CORO6: variants seen among roughly 807,000 people sequenced by gnomAD.
CORO6 encodes coronin-6.
A neutral mutation model predicts 49.0 loss-of-function variants in CORO6; 43 were observed. The observed-to-expected ratio is 0.88, with a 90% CI of 0.69 to 1.13. CORO6 has a LOEUF of 1.13. CORO6 is among the 50% of genes most tolerant of loss of function. CORO6 has a pLI of 0.00. For synonymous variants in CORO6, 233 were observed against 256.5 expected, an observed-to-expected ratio of 0.91 and a Z score of 0.88; for missense variants, 650 against 647.0, an observed-to-expected ratio of 1.00 and a Z score of -0.05.
intron 5 of CORO6, chr17:29,618,356 A>G: frequency 7.8e-7 from 1 of 1,287,100 alleles, no homozygotes; most frequent in Non-Finnish European, 9.8e-7. Flanking sequence ...GGGTTGCCCC[A>G]TCCCCCGCCC....
At position 29,617,998 on chromosome 17, in the gene CORO6, G is replaced by A. The variant is rs1349771793; in HGVS notation, c.634-379C>T. The stretch of plus-strand genomic sequence containing the variant: ...GCCACAGCCCGGGAAGGCGCTCCCG[G>A]CAGACCCAGAGAAGGAGCGAGCTAG... On this transcript the variant is annotated intron_variant, in intron 5 of 10. Coordinates refer to ENST00000388767, the MANE Select transcript of CORO6 (RefSeq NM_032854.4). 2.2e-6 allele frequency: 3 copies of A among 1,394,322 alleles called. No homozygotes were observed. In the East Asian group the frequency reaches 8.5e-5, roughly 40 times the overall value. 86.4% of individuals were successfully genotyped at this position (1,394,322 alleles called of 1,614,324 possible).
chr17:29,616,242 C>T lies in CORO6; in HGVS notation c.1062+37G>A, dbSNP rs758932234. ...CGGGGCTTGCTCCGCTCCCTTCCGC[C>T]TCGTAGCCCTGCCCAACCCTTCTCC... On this transcript the variant is annotated intron_variant, in intron 9 of 10. Coordinates refer to ENST00000388767, the MANE Select transcript of CORO6 (RefSeq NM_032854.4). The surrounding 1 kb of genome is among the most constrained non-coding windows in gnomAD (Gnocchi z 5.6). 1.2e-6 allele frequency: 2 copies of T among 1,610,834 alleles called. No homozygotes were observed. The highest frequency in any genetic ancestry group is 1.3e-5 in the African/African-American group (1 of 74,894).
rs1369622107 is a variant in CORO6 at position 29,622,869 on chromosome 17, C to CGCCGCTGCAGCCCCAGCT, written c.-263_-246dup. 8.5e-6 allele frequency: 11 copies of CGCCGCTGCAGCCCCAGCT among 1,295,084 alleles called. No individual in the cohort carries two copies. In the East Asian group the frequency reaches 3.5e-4, roughly 41 times the overall value. The allele number at this position is 1,295,084 out of a possible 1,614,324, so 80.2% of individuals were successfully genotyped here. ...GATCCTGCGGCTCTCTAGAGCCCGGCGCCGCTGCAGCCCCAGCTGCCGCTG... is the reference window on the plus strand; with the variant it reads ...GATCCTGCGGCTCTCTAGAGCCCGGCGCCGCTGCAGCCCCAGCTGCCGCTGCAGCCCCAGCTGCCGCTG... On this transcript the variant is annotated 5_prime_UTR_variant, in exon 1 of 11. Coordinates refer to ENST00000388767, the MANE Select transcript of CORO6 (RefSeq NM_032854.4).
intron 6 of CORO6, 149 bp downstream of exon 6, chr17:29,617,351 G>T: frequency 1.9e-6 from 3 of 1,541,260 alleles, no homozygotes; most frequent in Non-Finnish European, 2.6e-6. Context: ...CTGGGCAGAG[G>T]GGTGGGTGTG....
At position 29,617,977 on chromosome 17, in the gene CORO6, C is replaced by G. The variant is rs766023143; in HGVS notation, c.634-358G>C. ...GCTCTGGCCTCTTGGGCGCCAGCCACAGCCCGGGAAGGCGCTCCCGGCAGA... is the reference window on the plus strand; with the variant it reads ...GCTCTGGCCTCTTGGGCGCCAGCCAGAGCCCGGGAAGGCGCTCCCGGCAGA... On this transcript the variant is annotated intron_variant, in intron 5 of 10. Coordinates refer to ENST00000388767, the MANE Select transcript of CORO6 (RefSeq NM_032854.4). The G allele has an allele frequency of 2.9e-5, 38 of 1,304,856 alleles. 1 individual carries two copies. The highest frequency in any genetic ancestry group is 3.6e-5 in the Non-Finnish European group (36 of 993,248). The allele number at this position is 1,304,856 out of a possible 1,614,324, so 80.8% of individuals were successfully genotyped here.
Position 29,622,836 on chromosome 17 carries a change from C to T in CORO6, c.-212G>A. Reference sequence around the variant, plus strand: ...TGGGACCCGGGTGTCCAGCTCCGCACTCTGGCCGATCCTGCGGCTCTCTAG... The same window carrying T: ...TGGGACCCGGGTGTCCAGCTCCGCATTCTGGCCGATCCTGCGGCTCTCTAG... On this transcript the variant is annotated 5_prime_UTR_variant, in exon 1 of 11. In the 5' UTR this introduces an upstream ATG that the reference lacks. Coordinates refer to ENST00000388767, the MANE Select transcript of CORO6 (RefSeq NM_032854.4). 3 of 1,305,176 alleles carry T rather than the reference C, an allele frequency of 2.3e-6. No individual in the cohort carries two copies. The highest frequency in any genetic ancestry group is 3.0e-6 in the Non-Finnish European group (3 of 991,136). The allele number at this position is 1,305,176 out of a possible 1,614,324, so 80.8% of individuals were successfully genotyped here.
Position 29,616,297 on chromosome 17 carries a change from G to A in CORO6, c.1044C>T (p.Ile348=). The A allele has an allele frequency of 1.2e-6, 2 of 1,611,076 alleles. No homozygotes were observed. Among genetic ancestry groups the A allele is most frequent in the Non-Finnish European group, 1.7e-6 (2 of 1,178,624 alleles). The change falls in exon 9 of 11, where the codon ATC becomes ATT. Residue 348 remains isoleucine (I), a synonymous_variant. Coordinates refer to ENST00000388767, the MANE Select transcript of CORO6 (RefSeq NM_032854.4). The surrounding 1 kb of genome is among the most constrained non-coding windows in gnomAD (Gnocchi z 5.6). Reference sequence around the variant, plus strand: ...CCCTCACCTTGCGGGGCACAGTCATGATGATAGGTTCACACTTTCTTTCGT... The same window carrying A: ...CCCTCACCTTGCGGGGCACAGTCATAATGATAGGTTCACACTTTCTTTCGT... ...KLHERKCEPI[I]MTVPRKSDLF...
rs940864492 is a variant in CORO6, at chr17:29,618,217, C to T, written c.633+573G>A. The T allele has an allele frequency of 3.8e-6, 5 of 1,325,058 alleles. No individual in the cohort carries two copies. The African/African-American group carries it at 7.7e-5, about 20-fold the overall frequency. The allele number at this position is 1,325,058 out of a possible 1,614,324, so 82.1% of individuals were successfully genotyped here. A position where few individuals can be genotyped will look rare whatever the true frequency, so the allele number is the denominator to read the frequency against. ...AGCGCCCCGGCGCCAGCCCCGACCGCTCTCGGCGCGCTTGCTCCACGCAGA... is the reference window on the plus strand; with the variant it reads ...AGCGCCCCGGCGCCAGCCCCGACCGTTCTCGGCGCGCTTGCTCCACGCAGA... On this transcript the variant is annotated intron_variant, in intron 5 of 10. Transcript: ENST00000388767.
chr17:29,616,744 A>G lies in CORO6; in HGVS notation c.962T>C (p.Met321Thr), dbSNP rs377223092. 75 of 1,613,794 alleles carry G rather than the reference A, an allele frequency of 4.6e-5. No individual in the cohort carries two copies. Among genetic ancestry groups the G allele is most frequent in the East Asian group, 4.5e-4 (20 of 44,872 alleles). The change falls in exon 8 of 11, where the codon ATG becomes ACG. Residue 321 changes from methionine (M) to threonine (T), a missense_variant. Coordinates refer to ENST00000388767, the MANE Select transcript of CORO6 (RefSeq NM_032854.4). This position sits in a 1 kb window ranked among gnomAD's most constrained non-coding sequence, Gnocchi z 5.6. Reference sequence around the variant, plus strand: ...GCTGACATCCAGTCCCCTTTTGGGCATGAAACCCATGCCCCGCTGCGGCTC... The same window carrying G: ...GCTGACATCCAGTCCCCTTTTGGGCGTGAAACCCATGCCCCGCTGCGGCTC... ...SKEPQRGMGFMPKRGLDVSKC... is the reference protein window; with the variant it reads ...SKEPQRGMGFTPKRGLDVSKC...
At chr17:29,618,529 C>T in intron 5 of CORO6, 1 of 1,349,914 alleles carries the variant, frequency 7.4e-7, no homozygotes, top group South Asian at 1.9e-5. Flanking sequence ...CCTCCTCAAT[C>T]CCAAAGCGAG....
chr17:29,617,174 G>A, intron 6 of CORO6, 132 bp from the exon 7 acceptor site: 5 of 1,545,922 alleles, frequency 3.2e-6, no homozygotes, highest in Non-Finnish European at 4.3e-6. Context: ...CAGAGTTGCA[G>A]GCCCCTCCCC....
In CORO6 at chr17:29,615,354, C is replaced by T. The variant is rs1477602039; in HGVS notation, c.*378G>A. 5.4e-6 allele frequency: 1 copy of T among 185,706 alleles called. No individual in the cohort carries two copies. The highest frequency in any genetic ancestry group is 1.1e-5 in the Non-Finnish European group (1 of 90,114). The allele number at this position is 185,706 out of a possible 1,614,324, so 11.5% of individuals were successfully genotyped here. On this transcript the variant is annotated 3_prime_UTR_variant, in exon 11 of 11. Transcript: ENST00000388767. ...CTGGGGGTACCCATCAAATCGCCACCCGTTTGAGGTCAAGCTCAGGCTCCA... is the reference window on the plus strand; with the variant it reads ...CTGGGGGTACCCATCAAATCGCCACTCGTTTGAGGTCAAGCTCAGGCTCCA...
rs150908445 is a variant in CORO6, at chr17:29,615,033, G to A, written c.*699C>T. On this transcript the variant is annotated 3_prime_UTR_variant, in exon 11 of 11. Coordinates refer to ENST00000388767, the MANE Select transcript of CORO6 (RefSeq NM_032854.4). ...GTCTTGTTTTTCTGAGAGAGGCAAC[G>A]GCAGAGGGTTGGGGGCAGTGTGTGT... 2.6e-4 allele frequency: 39 copies of A among 152,368 alleles called. No individual in the cohort carries two copies. Among genetic ancestry groups the A allele is most frequent in the African/African-American group, 9.1e-4 (38 of 41,570 alleles). 9.4% of individuals were successfully genotyped at this position (152,368 alleles called of 1,614,324 possible).
Position 29,617,564 on chromosome 17 carries a change from T to C in CORO6, c.689A>G (p.Gln230Arg). The part of the protein sequence containing the change: ...MRPMRAVFTR[Q>R]GHIFTTGFTR... Reference sequence around the variant, plus strand: ...GAAGCCCGTGGTGAAGATATGGCCCTGGCGCGTGAAGACGGCCCGCATGGG... The same window carrying C: ...GAAGCCCGTGGTGAAGATATGGCCCCGGCGCGTGAAGACGGCCCGCATGGG... Residue 230 changes from glutamine (Q) to arginine (R), a missense_variant, in exon 6 of 11, where the codon CAG becomes CGG. Gln to Arg is a conservative substitution (Grantham distance 43, BLOSUM62 1). Coordinates refer to ENST00000388767, the MANE Select transcript of CORO6 (RefSeq NM_032854.4). The C allele has an allele frequency of 1.9e-6, 3 of 1,609,994 alleles. No homozygotes were observed. Among genetic ancestry groups the C allele is most frequent in the Non-Finnish European group, 2.5e-6 (3 of 1,179,152 alleles).
chr17:29,622,707 G>A lies in CORO6; in HGVS notation c.-83C>T, dbSNP rs1479936108. On this transcript the variant is annotated 5_prime_UTR_variant, in exon 1 of 11. Transcript: ENST00000388767. ...GGGTACCTGGTCCTGAGCGGGCTGC[G>A]GGGCGCTCACGCTGCGAATCCTCTG... is the stretch of plus-strand genomic sequence containing the variant. 1.6e-6 allele frequency: 2 copies of A among 1,283,080 alleles called. No individual in the cohort carries two copies. Among genetic ancestry groups the A allele is most frequent in the African/African-American group, 1.5e-5 (1 of 64,764 alleles). 79.5% of individuals were successfully genotyped at this position (1,283,080 alleles called of 1,614,324 possible).
rs867935515 is a variant in CORO6, at chr17:29,622,717, C to T, written c.-93G>A. On this transcript the variant is annotated 5_prime_UTR_variant, in exon 1 of 11. In the 5' UTR this introduces an upstream ATG that the reference lacks. Transcript: ENST00000388767. ...TCCTGAGCGGGCTGCGGGGCGCTCA[C>T]GCTGCGAATCCTCTGCGGAAGGGGC... 4 of 1,294,322 alleles carry T rather than the reference C, an allele frequency of 3.1e-6. No individual in the cohort carries two copies. The African/African-American group carries it at 4.6e-5, about 15-fold the overall frequency. 80.2% of individuals were successfully genotyped at this position (1,294,322 alleles called of 1,614,324 possible). A position where few individuals can be genotyped will look rare whatever the true frequency, so the allele number is the denominator to read the frequency against.
At chr17:29,619,315 A>G (rs1428729993) in intron 3 of CORO6, 126 bp from the exon 4 acceptor site, 1 of 1,186,332 alleles carries the variant, frequency 8.4e-7, no homozygotes, top group African/African-American at 1.6e-5. Context: ...ACAGGGCAAG[A>G]TGTGGTGGTG....
intron 5 of CORO6, chr17:29,618,060 C>A (rs1387526569): frequency 5.3e-6 from 8 of 1,499,494 alleles, no homozygotes; most frequent in African/African-American, 1.4e-5. Flanking sequence ...GGTCCCAGAG[C>A]GCGAGTTGCC....
In CORO6 at chr17:29,616,374, C is replaced by A; in HGVS notation, c.1005-38G>T. ...AGGGTTCAGCACCCTCGCAGACTTC[C>A]ACGTCCTTAACTTCTCCTGTCTAAG... On this transcript the variant is annotated intron_variant, in intron 8 of 10. Transcript: ENST00000388767. The surrounding 1 kb of genome is among the most constrained non-coding windows in gnomAD (Gnocchi z 5.6). The A allele has an allele frequency of 6.4e-7, 1 of 1,570,886 alleles. No individual in the cohort carries two copies. Among genetic ancestry groups the A allele is most frequent in the African/African-American group, 1.3e-5 (1 of 74,570 alleles).
Sources: allele counts gnomAD v4.1 joint callset, GRCh38; gene constraint gnomAD v4.1.1; non-coding constraint Gnocchi (gnomAD v3.1); transcripts MANE v1.5; gene names NCBI Gene and HGNC (gene_info 2026-07-23, HGNC 2026-07-21).